GDPD5: variants seen among roughly 807,000 people sequenced by gnomAD.
GDPD5 encodes the protein glycerophosphodiester phosphodiesterase 2.
Under a neutral mutation model 75.1 loss-of-function variants are expected in GDPD5, and 48 were observed. That is an observed-to-expected ratio of 0.64 (90% CI 0.51 to 0.81). The LOEUF is 0.81. GDPD5 is among the 40% of genes least tolerant of loss of function. The pLI is 0.00. For synonymous variants in GDPD5, 336 were observed against 339.0 expected, an observed-to-expected ratio of 0.99 and a Z score of 0.10; for missense variants, 706 against 822.6, an observed-to-expected ratio of 0.86 and a Z score of 1.73.
chr11:75,440,069 G>C (rs879535590), intron 14 of GDPD5, 108 bp from the exon 15 acceptor site: 6 of 766,770 alleles, frequency 7.8e-6, no homozygotes, highest in Non-Finnish European at 1.1e-5. Context: ...CTGGGGAAGG[G>C]CAAGGGAGGA....
intron 1 of GDPD5, among the ~76,000 whole-genome samples, chr11:75,516,795 G>A (rs992372493): frequency 5.9e-5 from 9 of 152,180 alleles, no homozygotes; most frequent in Middle Eastern, 3.2e-3. Flanking sequence ...GAAACAACTC[G>A]TGCTCAAAGA....
At chr11:75,510,304 T>C (rs1950487696) in intron 1 of GDPD5, among the ~76,000 whole-genome samples, 1 of 152,116 alleles carries the variant, frequency 6.6e-6, no homozygotes, top group Non-Finnish European at 1.5e-5. Context: ...AGGTGCCAGG[T>C]GACCTCGCCT....
chr11:75,474,970 G>A (rs950469746), intron 3 of GDPD5, among the ~76,000 whole-genome samples: 4 of 152,228 alleles, frequency 2.6e-5, no homozygotes, highest in Non-Finnish European at 2.9e-5. Flanking sequence ...AGTTTAGGCT[G>A]CAAATCTATC....
At chr11:75,462,302 C>A (rs997307996) in intron 4 of GDPD5, among the ~76,000 whole-genome samples, 1 of 152,188 alleles carries the variant, frequency 6.6e-6, no homozygotes, top group Non-Finnish European at 1.5e-5. Flanking sequence ...AGCCTTTGTT[C>A]TTTGAGGCTC....
chr11:75,439,584 C>A (rs372757481), intron 15 of GDPD5, among the ~76,000 whole-genome samples: 64 of 152,208 alleles, frequency 4.2e-4, no homozygotes, highest in African/African-American at 1.5e-3. Flanking sequence ...TGGTGGGAAC[C>A]CATGCCCTGG....
At chr11:75,520,175 G>A (rs556305262) in intron 1 of GDPD5, among the ~76,000 whole-genome samples, 4 of 152,168 alleles carry the variant, frequency 2.6e-5, no homozygotes, top group Non-Finnish European at 5.9e-5. Flanking sequence ...CATCTGGCAC[G>A]CCCTCCCTCC....
At chr11:75,455,915 G>A (rs1305896112) in intron 6 of GDPD5, among the ~76,000 whole-genome samples, 1 of 152,238 alleles carries the variant, frequency 6.6e-6, no homozygotes, top group Non-Finnish European at 1.5e-5. Context: ...TGGGAACAGG[G>A]AGATGGAGGT....
chr11:75,442,670 C>A, intron 11 of GDPD5, 89 bp from the exon 12 acceptor site: 1 of 1,190,440 alleles, frequency 8.4e-7, no homozygotes, highest in South Asian at 1.4e-5. Flanking sequence ...GTGGAGACCC[C>A]TGGGCTGCCA....
intron 4 of GDPD5, among the ~76,000 whole-genome samples, chr11:75,458,910 A>C (rs1019278773): frequency 4.6e-5 from 7 of 151,812 alleles, no homozygotes; most frequent in African/African-American, 1.7e-4. Context: ...AGCTGGGACC[A>C]TAGGCACCCA....
intron 7 of GDPD5, 114 bp from the exon 8 acceptor site, chr11:75,449,724 C>A (rs1949087577): frequency 1.6e-6 from 2 of 1,265,882 alleles, no homozygotes; most frequent in African/African-American, 1.5e-5. Context: ...CATCTGCCAA[C>A]TGGGGACACT....
chr11:75,515,354 G>A (rs1223932671), intron 1 of GDPD5, among the ~76,000 whole-genome samples: 1 of 152,202 alleles, frequency 6.6e-6, no homozygotes, highest in Non-Finnish European at 1.5e-5. Context: ...GCAAGGCTCA[G>A]TCTCTGGCAC....
At chr11:75,462,464 C>T (rs1949434607) in intron 4 of GDPD5, among the ~76,000 whole-genome samples, 1 of 152,204 alleles carries the variant, frequency 6.6e-6, no homozygotes. Context: ...AGGAAGCTTT[C>T]CCTGAGTTCG....
intron 6 of GDPD5, chr11:75,456,550 A>T (rs1949289539): frequency 1.7e-6 from 1 of 594,838 alleles, no homozygotes; most frequent in Non-Finnish European, 3.0e-6. Context: ...CAGTACCTAC[A>T]TCACAAGGTT....
intron 2 of GDPD5, among the ~76,000 whole-genome samples, chr11:75,482,862 C>T (rs1201483474): frequency 6.6e-6 from 1 of 152,208 alleles, no homozygotes; most frequent in Non-Finnish European, 1.5e-5. Flanking sequence ...ATGCCTGCCT[C>T]CCCCATGGGA....
rs879687222 is a variant in GDPD5, at chr11:75,441,372, GGGCT to G, written c.1326-66_1326-63del. 4.2e-4 allele frequency: 672 copies of G among 1,600,188 alleles called. 1 individual carries two copies. Among genetic ancestry groups the G allele is most frequent in the Non-Finnish European group, 4.1e-4 (484 of 1,168,680 alleles). On this transcript the variant is annotated intron_variant, in intron 13 of 16. Transcript: ENST00000336898. ...CCTGGCAGCTCCAGGCCCAGTGTCG[GGGCT>G]GGTAAAGCACGTCCTGTTCACGACC...
At chr11:75,510,596 C>T (rs552649548) in intron 1 of GDPD5, among the ~76,000 whole-genome samples, 61 of 152,310 alleles carry the variant, frequency 4.0e-4, no homozygotes, top group Admixed American at 7.2e-4. Flanking sequence ...TGCCTCCTTT[C>T]ACCTCTGCTC....
intron 3 of GDPD5, among the ~76,000 whole-genome samples, chr11:75,469,449 A>G (rs954474738): frequency 6.6e-6 from 1 of 152,216 alleles, no homozygotes; most frequent in Admixed American, 6.5e-5. Context: ...GGCACACATA[A>G]TGGTGGAACC....
At chr11:75,512,034 G>GC (rs1950530746) in intron 1 of GDPD5, among the ~76,000 whole-genome samples, 1 of 152,138 alleles carries the variant, frequency 6.6e-6, no homozygotes, top group East Asian at 1.9e-4. Flanking sequence ...TTTACTGCAT[G>GC]CATGGCCAGG....
In GDPD5 at chr11:75,439,893, G is replaced by C; in HGVS notation, c.1542C>G (p.Ile514Met). 1 of 1,613,890 alleles carries C rather than the reference G, an allele frequency of 6.2e-7. No individual in the cohort carries two copies. The highest frequency in any genetic ancestry group is 2.2e-5 in the East Asian group (1 of 44,870). ...DLVSFTLIVG[I>M]FVLQKWRLGG... ...ATCCTACTCACTTCTGGAGCACGAA[G>C]ATGCCCACGATGAGGGTGAAGGAGA... Residue 514 changes from isoleucine (I) to methionine (M), a missense_variant, in exon 15 of 17, where the codon ATC becomes ATG. Transcript: ENST00000336898.
Sources: gnomAD v4.1 joint callset for allele counts (sites outside exome capture counted in the v4.1 genomes callset) on GRCh38, gnomAD v4.1.1 for gene constraint, MANE v1.5 for transcripts, NCBI Gene and HGNC (gene_info 2026-07-23, HGNC 2026-07-21) for gene names.